Variants in SAMD12 observed in about 807,000 individuals in gnomAD.
SAMD12 encodes sterile alpha motif domain-containing protein 12.
A neutral mutation model predicts 15.0 loss-of-function variants in SAMD12; 9 were observed. The ratio of observed to expected loss-of-function variants is 0.60; its 90% CI spans 0.36 to 1.05. The LOEUF (loss-of-function observed/expected upper bound fraction) is 1.05, where lower values mean the gene tolerates loss of function less well. SAMD12 is among the 50% of genes least tolerant of loss of function. SAMD12 has a pLI of 0.01. For synonymous variants in SAMD12, 86 were observed against 90.1 expected, an observed-to-expected ratio of 0.96 and a Z score of 0.25; for missense variants, 230 against 234.2, an observed-to-expected ratio of 0.98 and a Z score of 0.12.
chr8:118,385,252 C>G (rs1819890358), intron 3 of SAMD12, among the ~76,000 whole-genome samples: 1 of 152,186 alleles, frequency 6.6e-6, no homozygotes, highest in Admixed American at 6.5e-5. Context: ...ATAACACAGA[C>G]TGCCTTCCAT....
chr8:118,163,362 G>A, the SAMD12 span, among the ~76,000 whole-genome samples: 1 of 152,192 alleles, frequency 6.6e-6, no homozygotes, highest in African/African-American at 2.4e-5. Flanking sequence ...TTACAGGTGT[G>A]AGCCTGCAAC....
chr8:118,276,345 C>T (rs1398832961), intron 4 of SAMD12, among the ~76,000 whole-genome samples: 1 of 152,194 alleles, frequency 6.6e-6, no homozygotes, highest in East Asian at 1.9e-4. Flanking sequence ...AGAATGTTAA[C>T]TTTGAAGAAA....
intron 2 of SAMD12, among the ~76,000 whole-genome samples, chr8:118,567,297 A>T (rs1023663982): frequency 1.3e-5 from 2 of 151,932 alleles, no homozygotes; most frequent in African/African-American, 4.8e-5. Context: ...GTGAAATCAC[A>T]TTTCCTCTAT....
chr8:118,319,745 T>C (rs1222629769), intron 4 of SAMD12, among the ~76,000 whole-genome samples: 1 of 152,030 alleles, frequency 6.6e-6, no homozygotes, highest in Non-Finnish European at 1.5e-5. Context: ...TAATCCTGAG[T>C]GATCAGGAAG....
intron 4 of SAMD12, among the ~76,000 whole-genome samples, chr8:118,332,866 T>C (rs1419543840): frequency 1.3e-5 from 2 of 152,228 alleles, no homozygotes; most frequent in Admixed American, 6.5e-5. Flanking sequence ...TAAGTCTCAG[T>C]TCTGGAGTCC....
At chr8:118,161,430 A>T in the SAMD12 span, among the ~76,000 whole-genome samples, 3 of 152,130 alleles carry the variant, frequency 2.0e-5, no homozygotes, top group South Asian at 2.1e-4. Context: ...CCAAAAAAAA[A>T]TTAGCTGGGT....
At chr8:118,390,762 AG>A (rs1382875010) in intron 3 of SAMD12, among the ~76,000 whole-genome samples, 1 of 152,172 alleles carries the variant, frequency 6.6e-6, no homozygotes, top group Non-Finnish European at 1.5e-5. Flanking sequence ...AGTTAATTGA[AG>A]GCCCCTTCTC....
intron 2 of SAMD12, among the ~76,000 whole-genome samples, chr8:118,559,532 T>C (rs1241870388): frequency 6.6e-6 from 1 of 152,256 alleles, no homozygotes; most frequent in Non-Finnish European, 1.5e-5. Context: ...TTAGGATTTT[T>C]ATTTTATCTA....
At chr8:118,516,314 C>CT (rs1180356002) in intron 2 of SAMD12, among the ~76,000 whole-genome samples, 1 of 152,202 alleles carries the variant, frequency 6.6e-6, no homozygotes, top group Non-Finnish European at 1.5e-5. Flanking sequence ...CAATAGTTTG[C>CT]TAGTTGTTTC....
chr8:118,352,221 A>C (rs1016447991), intron 4 of SAMD12, among the ~76,000 whole-genome samples: 1 of 152,232 alleles, frequency 6.6e-6, no homozygotes, highest in Non-Finnish European at 1.5e-5. Context: ...GGAGGTTAAA[A>C]AGCAAGCCAG....
At chr8:118,263,347 TGTA>T (rs1813125218) in intron 4 of SAMD12, among the ~76,000 whole-genome samples, 1 of 152,030 alleles carries the variant, frequency 6.6e-6, no homozygotes. Flanking sequence ...CACTGTCAAA[TGTA>T]GTAGAACAAA....
chr8:118,359,370 T>A (rs536134319), intron 4 of SAMD12, among the ~76,000 whole-genome samples: 3 of 152,204 alleles, frequency 2.0e-5, no homozygotes, highest in Admixed American at 2.0e-4. Flanking sequence ...AGCAAATCAA[T>A]TTCTGTTGTT....
At position 118,403,500 on chromosome 8, in the gene SAMD12, G is replaced by C. The variant is rs899954407; in HGVS notation, c.323-23800C>G. Among the ~76,000 whole-genome samples, 5 of 151,564 alleles carry C rather than the reference G, an allele frequency of 3.3e-5. 1 individual carries two copies. The highest frequency in any genetic ancestry group is 2.1e-4 in the South Asian group (1 of 4,814). On this transcript the variant is annotated intron_variant, in intron 3 of 3. Coordinates refer to ENST00000314727, the MANE Select transcript of SAMD12 (RefSeq NM_207506.3). ...ATTATCTTAAGCTCCTTTATCCTTA[G>C]TTTCTAAAATAAAAAAAATTATAGT...
chr8:118,334,563 A>G (rs1816963353), intron 4 of SAMD12, among the ~76,000 whole-genome samples: 2 of 152,036 alleles, frequency 1.3e-5, no homozygotes, highest in Non-Finnish European at 2.9e-5. Context: ...TTGGAATCAC[A>G]TCTCCCATAA....
At chr8:118,602,381 T>C (rs925516766) in intron 1 of SAMD12, among the ~76,000 whole-genome samples, 2 of 152,206 alleles carry the variant, frequency 1.3e-5, no homozygotes, top group Non-Finnish European at 2.9e-5. Flanking sequence ...GTGCCTACTG[T>C]GCACCAGACA....
Position 118,621,938 on chromosome 8 carries a change from C to T in SAMD12, c.-122G>A. On this transcript the variant is annotated 5_prime_UTR_variant, in exon 1 of 4. Coordinates refer to ENST00000314727, the MANE Select transcript of SAMD12 (RefSeq NM_207506.3). ...CTGCGCTTATCTGCTCCAGGACCAACCTGCCGCGGTCACGCAAAGCGAGGC... is the reference window on the plus strand; with the variant it reads ...CTGCGCTTATCTGCTCCAGGACCAATCTGCCGCGGTCACGCAAAGCGAGGC... 1 of 1,222,526 alleles carries T rather than the reference C, an allele frequency of 8.2e-7. No individual in the cohort carries two copies. Among genetic ancestry groups the T allele is most frequent in the East Asian group, 2.3e-5 (1 of 42,894 alleles). The allele number at this position is 1,222,526 out of a possible 1,614,324, so 75.7% of individuals were successfully genotyped here.
intron 4 of SAMD12, among the ~76,000 whole-genome samples, chr8:118,347,721 G>A (rs1051301656): frequency 2.6e-5 from 4 of 152,158 alleles, no homozygotes; most frequent in Non-Finnish European, 4.4e-5. Flanking sequence ...GTGAAATCCT[G>A]GACTAAATGG....
In SAMD12 at chr8:118,303,780, G is replaced by GT. The variant is rs558159206; in HGVS notation, c.433+75779dup. The stretch of plus-strand genomic sequence containing the variant: ...CAGCATAGTTCTGGGAATAGGGTTT[G>GT]TTTCTGCTTCTCTTGAGCCAGCAAA... On this transcript the variant is annotated intron_variant, in intron 4 of 4. Coordinates refer to the SAMD12 transcript ENST00000409003. Among the ~76,000 whole-genome samples, 30 of 152,122 alleles carry GT rather than the reference G, an allele frequency of 2.0e-4. 1 individual carries two copies. The South Asian group carries it at 5.8e-3, about 29-fold the overall frequency.
At chr8:118,563,399 A>G (rs1826761887) in intron 2 of SAMD12, among the ~76,000 whole-genome samples, 1 of 152,224 alleles carries the variant, frequency 6.6e-6, no homozygotes, top group African/African-American at 2.4e-5. Flanking sequence ...GGAGCCATCC[A>G]TACCCAGAAT....
Sources: gnomAD v4.1 joint callset for allele counts (sites outside exome capture counted in the v4.1 genomes callset) on GRCh38, gnomAD v4.1.1 for gene constraint, MANE v1.5 for transcripts, NCBI Gene and HGNC (gene_info 2026-07-23, HGNC 2026-07-21) for gene names.